Variants in FOXP1 observed in about 807,000 individuals in gnomAD.
FOXP1 encodes the protein forkhead box P1.
In FOXP1, 15 loss-of-function variants were observed where a neutral mutation model predicts 98.2. That is an observed-to-expected ratio of 0.15 (90% CI 0.10 to 0.24). The LOEUF is 0.24. FOXP1 is among the 10% of genes least tolerant of loss of function. FOXP1 has a pLI of 1.00. For missense variants in FOXP1, 633 were observed against 848.5 expected, an observed-to-expected ratio of 0.75 and a Z score of 3.15; for synonymous variants, 371 against 314.5, an observed-to-expected ratio of 1.18 and a Z score of -1.90.
chr3:71,476,990 C>T (rs867857712), intron 3 of FOXP1, among the ~76,000 whole-genome samples: 3 of 152,204 alleles, frequency 2.0e-5, no homozygotes, highest in Non-Finnish European at 2.9e-5. Flanking sequence ...CATTCTCCCT[C>T]TTGCTCTTGT....
chr3:71,318,949 A>G (rs953614802), intron 4 of FOXP1, among the ~76,000 whole-genome samples: 1 of 152,222 alleles, frequency 6.6e-6, no homozygotes, highest in African/African-American at 2.4e-5. Context: ...CCATTAGGAA[A>G]GCACACACAA....
intron 3 of FOXP1, among the ~76,000 whole-genome samples, chr3:71,373,410 T>C (rs939602024): frequency 1.3e-5 from 2 of 152,188 alleles, no homozygotes; most frequent in African/African-American, 2.4e-5. Flanking sequence ...CCAAATGACA[T>C]GAGTTGTACC....
At chr3:71,065,754 T>C (rs2052403362) in intron 7 of FOXP1, 1 of 152,222 alleles carries the variant, frequency 6.6e-6, no homozygotes. Context: ...CAACAAAAGC[T>C]ACTCTCAATA....
Position 71,035,692 on chromosome 3 carries a change from C to T in FOXP1, c.869+5636G>A, listed in dbSNP as rs139745489. 5.9e-3 allele frequency among the ~76,000 whole-genome samples: 892 copies of T among 151,702 alleles called. 7 individuals carry two copies. Among genetic ancestry groups the T allele is most frequent in the African/African-American group, 0.018 (744 of 41,322 alleles). ...CCACAGGTTCTCCAAAATGCTCTAA[C>T]GGGGAAGAAAGATTTAAAATAACTA... On this transcript the variant is annotated intron_variant, in intron 11 of 20. Coordinates refer to ENST00000649528, the MANE Select transcript of FOXP1 (RefSeq NM_001349338.3).
At position 71,130,465 on chromosome 3, in the gene FOXP1, CA is replaced by C; in HGVS notation, c.181-17829del. On this transcript the variant is annotated intron_variant, in intron 6 of 20. Transcript: ENST00000649528. ...TCCCTAGTTTAAAAGTTTAACCCAG[CA>C]AAAAAATGTTTCTTTTTCTCTGGAC... 2.5e-6 allele frequency: 4 copies of C among 1,593,520 alleles called. No homozygotes were observed. The South Asian group carries it at 4.4e-5, about 18-fold the overall frequency.
intron 13 of FOXP1, among the ~76,000 whole-genome samples, chr3:70,988,588 C>T (rs890517690): frequency 1.3e-5 from 2 of 152,190 alleles, no homozygotes; most frequent in African/African-American, 2.4e-5. Context: ...TGACAGGTTC[C>T]CATTTTCAAA....
rs186019651 is a variant in FOXP1 at position 71,409,463 on chromosome 3, C to A, written c.-167-50219G>T. Among the ~76,000 whole-genome samples the A allele has an allele frequency of 1.6e-3, 240 of 152,224 alleles. 1 individual carries two copies. Among genetic ancestry groups the A allele is most frequent in the Middle Eastern group, 3.4e-3 (1 of 294 alleles). ...ATGAATGAATATGCTAATACAACCA[C>A]CTCTGTATCCTCTTTGGTAGGCAGG... On this transcript the variant is annotated intron_variant, in intron 3 of 20. Transcript: ENST00000649528.
At chr3:71,215,268 T>C (rs559022706) in intron 5 of FOXP1, among the ~76,000 whole-genome samples, 1 of 152,342 alleles carries the variant, frequency 6.6e-6, no homozygotes, top group Admixed American at 6.5e-5. Flanking sequence ...CTCGTCCTTC[T>C]AAGCAATATT....
chr3:71,433,443 C>T (rs958643335), intron 3 of FOXP1, among the ~76,000 whole-genome samples: 6 of 152,122 alleles, frequency 3.9e-5, no homozygotes, highest in Non-Finnish European at 7.4e-5. Context: ...AACAACTTTA[C>T]GGGTTCAACC....
intron 8 of FOXP1, 49 bp downstream of exon 8, chr3:71,053,587 C>A: frequency 1.2e-6 from 2 of 1,611,920 alleles, no homozygotes; most frequent in Non-Finnish European, 1.7e-6. Flanking sequence ...GTGATGGGGG[C>A]CCCTGGGTTC....
chr3:71,250,565 G>A (rs752101520), intron 5 of FOXP1, among the ~76,000 whole-genome samples: 4 of 152,200 alleles, frequency 2.6e-5, no homozygotes, highest in Admixed American at 6.5e-5. Flanking sequence ...TTGGTTTCCA[G>A]TACAAAATTC....
intron 4 of FOXP1, among the ~76,000 whole-genome samples, chr3:71,340,906 A>G (rs1221223590): frequency 2.6e-5 from 4 of 152,226 alleles, no homozygotes; most frequent in African/African-American, 9.6e-5. Flanking sequence ...TAACATAAGA[A>G]GAGTTTTCTT....
At chr3:71,176,258 C>T (rs1002489891) in intron 6 of FOXP1, among the ~76,000 whole-genome samples, 3 of 152,134 alleles carry the variant, frequency 2.0e-5, no homozygotes, top group African/African-American at 7.2e-5. Flanking sequence ...TTCCATGTTC[C>T]CAAACACAAG....
At chr3:71,423,639 G>C (rs1039689361) in intron 3 of FOXP1, among the ~76,000 whole-genome samples, 6 of 152,242 alleles carry the variant, frequency 3.9e-5, no homozygotes, top group Non-Finnish European at 7.3e-5. Flanking sequence ...GAATTAGAGA[G>C]GTAGCTGGCC....
At chr3:71,013,343 C>G (rs762416654) in intron 12 of FOXP1, among the ~76,000 whole-genome samples, 4 of 152,108 alleles carry the variant, frequency 2.6e-5, no homozygotes, top group Non-Finnish European at 5.9e-5. Context: ...TCCAATCACC[C>G]AGCTGCAATT....
chr3:71,465,994 G>A (rs193137146), intron 3 of FOXP1, among the ~76,000 whole-genome samples: 169 of 152,174 alleles, frequency 1.1e-3, no homozygotes, highest in African/African-American at 3.8e-3. Context: ...CCAACCCCTC[G>A]CATCCATGGA....
rs186518575 is a variant in FOXP1, at chr3:71,379,438, C to T, written c.-167-20194G>A. The stretch of plus-strand genomic sequence containing the variant: ...ATGTTAAAGTCCATTTTTAACAAAG[C>T]GAGAACCTCTCCAGCTCAGTTATCT... On this transcript the variant is annotated intron_variant, in intron 3 of 20. Transcript: ENST00000649528. Among the ~76,000 whole-genome samples, 773 of 152,132 alleles carry T rather than the reference C, an allele frequency of 5.1e-3. 4 individuals carry two copies. Among genetic ancestry groups the T allele is most frequent in the Non-Finnish European group, 7.6e-3 (514 of 67,990 alleles).
chr3:71,371,553 A>G (rs1356249578), intron 3 of FOXP1, among the ~76,000 whole-genome samples: 1 of 152,198 alleles, frequency 6.6e-6, no homozygotes, highest in African/African-American at 2.4e-5. Context: ...TGTGAGCCTG[A>G]GGCAGGAAGA....
At chr3:71,239,388 C>CA (rs2106879829) in intron 5 of FOXP1, among the ~76,000 whole-genome samples, 1 of 152,016 alleles carries the variant, frequency 6.6e-6, no homozygotes, top group East Asian at 1.9e-4. Context: ...ACTAAAAATA[C>CA]AAAAAATTTG....
Sources: gnomAD v4.1 joint callset for allele counts (sites outside exome capture counted in the v4.1 genomes callset) on GRCh38, gnomAD v4.1.1 for gene constraint, MANE v1.5 for transcripts, NCBI Gene and HGNC (gene_info 2026-07-23, HGNC 2026-07-21) for gene names.